BICRAL: variants seen among roughly 807,000 people sequenced by gnomAD.
BICRAL encodes the protein BICRA like chromatin remodeling complex associated protein.
Under a neutral mutation model 91.8 loss-of-function variants are expected in BICRAL, and 8 were observed. The observed-to-expected ratio is 0.09, with a 90% confidence interval of 0.05 to 0.16. The LOEUF (loss-of-function observed/expected upper bound fraction) is 0.16, where lower values mean the gene tolerates loss of function less well. Ranked by LOEUF, BICRAL falls within the 10% of genes least tolerant of loss-of-function variation. The pLI is 1.00. For synonymous variants in BICRAL, 445 were observed against 491.1 expected, an observed-to-expected ratio of 0.91 and a Z score of 1.24; for missense variants, 1,038 against 1,310.9, an observed-to-expected ratio of 0.79 and a Z score of 3.21.
At chr6:42,805,718 C>T (rs542276785) in intron 1 of BICRAL, among the ~76,000 whole-genome samples, 2 of 152,044 alleles carry the variant, frequency 1.3e-5, no homozygotes, top group Admixed American at 6.6e-5. Context: ...GGACAAGGAA[C>T]GGGCCAGGTG....
At chr6:42,789,268 CTA>C (rs1562462239) in intron 1 of BICRAL, among the ~76,000 whole-genome samples, 2 of 152,040 alleles carry the variant, frequency 1.3e-5, no homozygotes, top group Admixed American at 1.3e-4. Context: ...TTCAGTAACT[CTA>C]TAGAGAAATA....
intron 1 of BICRAL, among the ~76,000 whole-genome samples, chr6:42,792,665 C>T (rs1284590340): frequency 7.0e-6 from 1 of 142,110 alleles, no homozygotes. Context: ...TGTAATCCCG[C>T]ACTTTGGGAG....
intron 1 of BICRAL, among the ~76,000 whole-genome samples, chr6:42,762,001 G>A (rs916788651): frequency 1.3e-5 from 2 of 152,152 alleles, no homozygotes; most frequent in African/African-American, 4.8e-5. Context: ...CAAGTATTGG[G>A]CCAGGCCTAC....
At chr6:42,784,204 T>C (rs1475838934) in intron 1 of BICRAL, among the ~76,000 whole-genome samples, 2 of 152,174 alleles carry the variant, frequency 1.3e-5, no homozygotes, top group African/African-American at 4.8e-5. Flanking sequence ...ATCTGAAAAG[T>C]TAAATACGCT....
chr6:42,754,281 C>T (rs1762425266), intron 1 of BICRAL, among the ~76,000 whole-genome samples: 1 of 151,952 alleles, frequency 6.6e-6, no homozygotes, highest in African/African-American at 2.4e-5. Context: ...ATGCCATTCT[C>T]CTGTCTCAGC....
At chr6:42,859,397 A>T (rs1441913895) in intron 10 of BICRAL, among the ~76,000 whole-genome samples, 1 of 151,870 alleles carries the variant, frequency 6.6e-6, no homozygotes, top group Non-Finnish European at 1.5e-5. Flanking sequence ...GTCTCAAAAA[A>T]AAAAAACCCA....
At chr6:42,858,079 G>A (rs1392399996) in intron 10 of BICRAL, among the ~76,000 whole-genome samples, 1 of 150,046 alleles carries the variant, frequency 6.7e-6, no homozygotes, top group East Asian at 2.0e-4. Context: ...CGGAAGTGCT[G>A]GGATTATAGG....
At chr6:42,837,688 G>A (rs1764682564) in intron 6 of BICRAL, among the ~76,000 whole-genome samples, 1 of 151,538 alleles carries the variant, frequency 6.6e-6, no homozygotes, top group Admixed American at 6.6e-5. Context: ...GGAGGTGGAG[G>A]TTGCAGTGAG....
At chr6:42,864,090 C>T (rs1278114759) in intron 12 of BICRAL, among the ~76,000 whole-genome samples, 6 of 151,514 alleles carry the variant, frequency 4.0e-5, no homozygotes, top group South Asian at 2.1e-4. Context: ...TCGCTTGAAC[C>T]GAGGAGGCAG....
chr6:42,760,213 T>G (rs1762524190), intron 1 of BICRAL, among the ~76,000 whole-genome samples: 5 of 149,672 alleles, frequency 3.3e-5, no homozygotes. Flanking sequence ...TGAGCTGAGA[T>G]TGCACCATTG....
intron 1 of BICRAL, among the ~76,000 whole-genome samples, chr6:42,799,995 T>C (rs1413207239): frequency 8.5e-5 from 13 of 152,090 alleles, no homozygotes; most frequent in African/African-American, 3.1e-4. Flanking sequence ...TTCTCCTGCC[T>C]CAGCTTCCCG....
chr6:42,793,296 ATTTTTTTTTTTTTTT>A (rs35332872), intron 1 of BICRAL, among the ~76,000 whole-genome samples: 3 of 22,970 alleles, frequency 1.3e-4, no homozygotes, highest in African/African-American at 3.8e-4. Context: ...GACCCAGCTA[ATTTTTTTTTTTTTTT>A]TTTTTTTTTT....
At chr6:42,790,608 A>G (rs1322842913) in intron 1 of BICRAL, among the ~76,000 whole-genome samples, 2 of 151,518 alleles carry the variant, frequency 1.3e-5, no homozygotes, top group African/African-American at 4.9e-5. Context: ...TGCTCCCCAA[A>G]TAGGCTAAAC....
chr6:42,832,609 T>TGTGTGTGTGTG (rs1764521729), intron 6 of BICRAL, among the ~76,000 whole-genome samples: 1 of 125,278 alleles, frequency 8.0e-6, no homozygotes, highest in African/African-American at 3.6e-5. Context: ...GTGTGTGTGT[T>TGTGTGTGTGTG]TGAAATAACA....
chr6:42,843,476 G>A (rs1764873116), intron 6 of BICRAL, among the ~76,000 whole-genome samples: 1 of 151,648 alleles, frequency 6.6e-6, no homozygotes, highest in African/African-American at 2.4e-5. Context: ...ATCTAAGCAT[G>A]AAGTAGACCT....
At chr6:42,753,755 G>T (rs1474752879) in intron 1 of BICRAL, among the ~76,000 whole-genome samples, 1 of 152,148 alleles carries the variant, frequency 6.6e-6, no homozygotes, top group African/African-American at 2.4e-5. Flanking sequence ...GGGATTACAG[G>T]TGTGCGCCAC....
intron 1 of BICRAL, among the ~76,000 whole-genome samples, chr6:42,750,639 G>A (rs556657942): frequency 1.3e-4 from 20 of 152,106 alleles, no homozygotes; most frequent in African/African-American, 3.1e-4. Context: ...GCAATGGCGC[G>A]ATCTCGGCTT....
chr6:42,765,419 C>G (rs1481025643), intron 1 of BICRAL, among the ~76,000 whole-genome samples: 1 of 152,094 alleles, frequency 6.6e-6, no homozygotes, highest in Non-Finnish European at 1.5e-5. Context: ...GGCGCAAATT[C>G]AAGTACATCC....
At chr6:42,779,847 C>T (rs1316769577), upstream of BICRAL, among the ~76,000 whole-genome samples, 1 of 152,160 alleles carries the variant, frequency 6.6e-6, no homozygotes, top group Non-Finnish European at 1.5e-5. Context: ...TCTTGAACTC[C>T]TGGCCTCAAG....
Sources: gnomAD v4.1 joint callset for allele counts (sites outside exome capture counted in the v4.1 genomes callset) on GRCh38, gnomAD v4.1.1 for gene constraint, MANE v1.5 for transcripts, NCBI Gene and HGNC (gene_info 2026-07-23, HGNC 2026-07-21) for gene names.